Variants in TRMU observed in about 807,000 individuals in gnomAD.
TRMU encodes the protein tRNA mitochondrial 2-thiouridylase, also known as mitochondrial tRNA-specific 2-thiouridylase 1.
Under a neutral mutation model 46.9 loss-of-function variants are expected in TRMU, and 49 were observed. The observed-to-expected ratio is 1.05, with a 90% CI of 0.83 to 1.33. The LOEUF (loss-of-function observed/expected upper bound fraction) is 1.33, where lower values mean the gene tolerates loss of function less well. Ranked by LOEUF, TRMU falls within the 40% of genes most tolerant of loss-of-function variation. The probability of loss-of-function intolerance (pLI) is 0.00; values close to 1 mark genes in which losing one functional copy is unlikely to be tolerated. For synonymous variants in TRMU, 241 were observed against 200.9 expected, an observed-to-expected ratio of 1.20 and a Z score of -1.69; for missense variants, 572 against 532.4, an observed-to-expected ratio of 1.07 and a Z score of -0.73.
rs981329445 is a variant in TRMU at position 46,351,007 on chromosome 22, C to T, written c.651+544C>T. 1.4e-4 allele frequency among the ~76,000 whole-genome samples: 21 copies of T among 152,198 alleles called. No individual in the cohort carries two copies. Among genetic ancestry groups the T allele is most frequent in the African/African-American group, 4.3e-4 (18 of 41,446 alleles). ...AGGCAGGAGGCCAATCAGTGTAAAC[C>T]TAGAAAATGTCTACGGAGGGAGGTG... On this transcript the variant is annotated intron_variant, in intron 5 of 10. Coordinates refer to ENST00000645190, the MANE Select transcript of TRMU (RefSeq NM_018006.5). The surrounding 1 kb of genome is among the most constrained non-coding windows in gnomAD (Gnocchi z 6.4).
At position 46,338,907 on chromosome 22, in the gene TRMU, G is replaced by GA. The variant is rs1174519874; in HGVS notation, c.248+964dup. 6.6e-6 allele frequency among the ~76,000 whole-genome samples: 1 copy of GA among 152,170 alleles called. No individual in the cohort carries two copies. The highest frequency in any genetic ancestry group is 2.4e-5 in the African/African-American group (1 of 41,422). ...GCAGAAGAGCCTTGGGTTGAGTCCT[G>GA]ACTGTAGCTTATTATATGACCTTGG... On this transcript the variant is annotated intron_variant, in intron 2 of 10. Transcript: ENST00000645190. This position sits in a 1 kb window ranked among gnomAD's most constrained non-coding sequence, Gnocchi z 4.5.
rs114303139 is a variant in TRMU, at chr22:46,351,031, T to G, written c.651+568T>G. ...CCTAGAAAATGTCTACGGAGGGAGG[T>G]GTAGGACCCTGGGTGGGAAGCACCA... On this transcript the variant is annotated intron_variant, in intron 5 of 10. Transcript: ENST00000645190. The surrounding 1 kb of genome is among the most constrained non-coding windows in gnomAD (Gnocchi z 6.4). 6.6e-6 allele frequency among the ~76,000 whole-genome samples: 1 copy of G among 150,838 alleles called. No individual in the cohort carries two copies. The highest frequency in any genetic ancestry group is 2.4e-5 in the African/African-American group (1 of 40,914).
At chr22:46,340,430 G>A (rs114486778) in intron 2 of TRMU, among the ~76,000 whole-genome samples, 3,482 of 152,334 alleles carry the variant, frequency 0.023, 52 homozygotes, top group Non-Finnish European at 0.029. Context: ...TTTTCAGAAC[G>A]TACGAGTGGA....
Position 46,338,074 on chromosome 22 carries a change from A to T in TRMU, c.248+130A>T. 1 of 1,347,338 alleles carries T rather than the reference A, an allele frequency of 7.4e-7. No homozygotes were observed. The highest frequency in any genetic ancestry group is 1.1e-6 in the Non-Finnish European group (1 of 949,068). The allele number at this position is 1,347,338 out of a possible 1,614,324, so 83.5% of individuals were successfully genotyped here. ...CTCTCCCTCCACGGTGGTGCTGAAG[A>T]CTGCAAGAGGCCTCAGCCACCCTCG... On this transcript the variant is annotated intron_variant, in intron 2 of 10. Transcript: ENST00000645190. This position sits in a 1 kb window ranked among gnomAD's most constrained non-coding sequence, Gnocchi z 4.5.
At position 46,343,277 on chromosome 22, in the gene TRMU, G is replaced by A. The variant is rs200574410; in HGVS notation, c.264G>A (p.Glu88=). Residue 88 remains glutamate (E), a synonymous_variant, in exon 3 of 11, where the codon GAG becomes GAA. Coordinates refer to ENST00000645190, the MANE Select transcript of TRMU (RefSeq NM_018006.5). ...TTTATTCTAGTGACTTTTTGAATGA[G>A]TATGAAAAAGGAAGGACTCCCAATC... The part of the protein sequence containing the change: ...WNDVFSDFLN[E]YEKGRTPNPD... The A allele has an allele frequency of 2.3e-5, 37 of 1,612,514 alleles. No homozygotes were observed. Among genetic ancestry groups the A allele is most frequent in the South Asian group, 4.4e-5 (4 of 91,046 alleles).
At chr22:46,341,808 T>C (rs897963513) in intron 2 of TRMU, among the ~76,000 whole-genome samples, 4 of 152,228 alleles carry the variant, frequency 2.6e-5, no homozygotes, top group Non-Finnish European at 5.9e-5. Flanking sequence ...CCTGATCCAC[T>C]TTAAGCACCC....
chr22:46,351,946 C>A lies in TRMU; in HGVS notation c.652-175C>A. ...GAGGCGTTCTCTAAGGCTCTGGCAT[C>A]GTGTGCGCCGGCTGTGACTGGCGGC... On this transcript the variant is annotated intron_variant, in intron 5 of 10. Transcript: ENST00000645190. The surrounding 1 kb of genome is among the most constrained non-coding windows in gnomAD (Gnocchi z 6.4). 1 of 766,608 alleles carries A rather than the reference C, an allele frequency of 1.3e-6. No individual in the cohort carries two copies. The highest frequency in any genetic ancestry group is 2.3e-6 in the Non-Finnish European group (1 of 426,524). 47.5% of individuals were successfully genotyped at this position (766,608 alleles called of 1,614,324 possible). A position where few individuals can be genotyped will look rare whatever the true frequency, so the allele number is the denominator to read the frequency against.
At chr22:46,341,647 C>G (rs1311910514) in intron 2 of TRMU, among the ~76,000 whole-genome samples, 1 of 152,000 alleles carries the variant, frequency 6.6e-6, no homozygotes, top group Admixed American at 6.5e-5. Flanking sequence ...AAAAATACAC[C>G]CATTTTTAAA....
chr22:46,353,567 C>T (rs1036964671), intron 7 of TRMU, 200 bp from the exon 8 acceptor site: 28 of 533,738 alleles, frequency 5.2e-5, no homozygotes, highest in African/African-American at 5.7e-5. Flanking sequence ...ATGTCCAGCC[C>T]AGGCCTGGAC....
Position 46,351,912 on chromosome 22 carries a change from C to G in TRMU, c.652-209C>G. 1 of 700,472 alleles carries G rather than the reference C, an allele frequency of 1.4e-6. No homozygotes were observed. Among genetic ancestry groups the G allele is most frequent in the Non-Finnish European group, 2.6e-6 (1 of 387,892 alleles). 43.4% of individuals were successfully genotyped at this position (700,472 alleles called of 1,614,324 possible). A position where few individuals can be genotyped will look rare whatever the true frequency, so the allele number is the denominator to read the frequency against. On this transcript the variant is annotated intron_variant, in intron 5 of 10. Coordinates refer to ENST00000645190, the MANE Select transcript of TRMU (RefSeq NM_018006.5). This position sits in a 1 kb window ranked among gnomAD's most constrained non-coding sequence, Gnocchi z 6.4. ...CCGCGCAGGGTCAGACCCCGCGGGC[C>G]GAGACAATGAGGCGTTCTCTAAGGC...
chr22:46,346,462 C>T lies in TRMU; in HGVS notation c.396C>T (p.Ser132=), dbSNP rs2147054275. ...AIATGHYART[S]LEDEEVFEQK... is the part of the protein sequence containing the mutation. ...CCACAGGTCACTATGCAAGAACTTC[C>T]CTGGAAGATGAAGAAGTCTTTGAGC... is the stretch of plus-strand genomic sequence containing the variant. Residue 132 remains serine, a synonymous_variant, in exon 4 of 11, where the codon TCC becomes TCT. Coordinates refer to ENST00000645190, the MANE Select transcript of TRMU (RefSeq NM_018006.5). 6 of 1,613,656 alleles carry T rather than the reference C, an allele frequency of 3.7e-6. No homozygotes were observed. The highest frequency in any genetic ancestry group is 5.1e-6 in the Non-Finnish European group (6 of 1,179,678).
In TRMU at chr22:46,336,033, G is replaced by A. The variant is rs1190458989; in HGVS notation, c.82+187G>A. On this transcript the variant is annotated intron_variant, in intron 1 of 10. Coordinates refer to ENST00000645190, the MANE Select transcript of TRMU (RefSeq NM_018006.5). This position sits in a 1 kb window ranked among gnomAD's most constrained non-coding sequence, Gnocchi z 4.1. Reference sequence around the variant, plus strand: ...CTCGCCCTCCACCTGTGTAGTCGGAGGTGTGCGCGACTGCAGCTCCGACTA... The same window carrying A: ...CTCGCCCTCCACCTGTGTAGTCGGAAGTGTGCGCGACTGCAGCTCCGACTA... 12 of 1,418,354 alleles carry A rather than the reference G, an allele frequency of 8.5e-6. No individual in the cohort carries two copies. Among genetic ancestry groups the A allele is most frequent in the Non-Finnish European group, 9.2e-7 (1 of 1,089,452 alleles). The allele number at this position is 1,418,354 out of a possible 1,614,324, so 87.9% of individuals were successfully genotyped here. A position where few individuals can be genotyped will look rare whatever the true frequency, so the allele number is the denominator to read the frequency against.
chr22:46,353,983 T>A (rs1382621436), intron 8 of TRMU, 116 bp downstream of exon 8: 3 of 914,518 alleles, frequency 3.3e-6, no homozygotes, highest in African/African-American at 3.3e-5. Flanking sequence ...AGGCTGTGAC[T>A]AACTCTGTTC....
In TRMU at chr22:46,351,932, T is replaced by C; in HGVS notation, c.652-189T>C. ...CGGGCCGAGACAATGAGGCGTTCTC[T>C]AAGGCTCTGGCATCGTGTGCGCCGG... is the stretch of plus-strand genomic sequence containing the variant. On this transcript the variant is annotated intron_variant, in intron 5 of 10. Coordinates refer to ENST00000645190, the MANE Select transcript of TRMU (RefSeq NM_018006.5). The surrounding 1 kb of genome is among the most constrained non-coding windows in gnomAD (Gnocchi z 6.4). 1.3e-6 allele frequency: 1 copy of C among 743,814 alleles called. No individual in the cohort carries two copies. The highest frequency in any genetic ancestry group is 2.4e-6 in the Non-Finnish European group (1 of 411,698). The allele number at this position is 743,814 out of a possible 1,614,324, so 46.1% of individuals were successfully genotyped here.
rs1398298470 is a variant in TRMU at position 46,357,182 on chromosome 22, CAGGCTG to C, written c.*177_*182del. On this transcript the variant is annotated 3_prime_UTR_variant, in exon 11 of 11. Coordinates refer to ENST00000645190, the MANE Select transcript of TRMU (RefSeq NM_018006.5). ...CGAGCCCCAGGAAGAGCCTCAGCTC[CAGGCTG>C]GGGCTCTGGCTGCTGGAGCATCTGC... is the stretch of plus-strand genomic sequence containing the variant. 2.9e-5 allele frequency: 23 copies of C among 806,184 alleles called. No homozygotes were observed. The highest frequency in any genetic ancestry group is 4.5e-5 in the Non-Finnish European group (23 of 506,416). The allele number at this position is 806,184 out of a possible 1,614,324, so 49.9% of individuals were successfully genotyped here.
chr22:46,346,169 A>G (rs2078251199), intron 3 of TRMU, among the ~76,000 whole-genome samples: 1 of 152,052 alleles, frequency 6.6e-6, no homozygotes. Flanking sequence ...AACTTTGGAA[A>G]GGCTCTTAAA....
In TRMU at chr22:46,353,011, G is replaced by A. The variant is rs921937045; in HGVS notation, c.772+681G>A. 1.8e-5 allele frequency: 3 copies of A among 166,488 alleles called. No individual in the cohort carries two copies. In the South Asian group the frequency reaches 4.5e-4, roughly 25 times the overall value. 10.3% of individuals were successfully genotyped at this position (166,488 alleles called of 1,614,324 possible). A position where few individuals can be genotyped will look rare whatever the true frequency, so the allele number is the denominator to read the frequency against. On this transcript the variant is annotated intron_variant, in intron 7 of 10. Coordinates refer to ENST00000645190, the MANE Select transcript of TRMU (RefSeq NM_018006.5). ...AGGAGAGCCAGGCTGCAGCTCAGGT[G>A]TAGGGCGTCTTGCAGTGAATTGCAC...
chr22:46,355,604 G>T lies in TRMU; in HGVS notation c.1018+16G>T, dbSNP rs770660941. 2 of 1,613,260 alleles carry T rather than the reference G, an allele frequency of 1.2e-6. No homozygotes were observed. The highest frequency in any genetic ancestry group is 1.7e-6 in the Non-Finnish European group (2 of 1,180,024). ...ATGGCACTAGGTGACTGACGGGAGG[G>T]CTCCTGAGGACGGGCCCCTTGAAGC... is the stretch of plus-strand genomic sequence containing the variant. On this transcript the variant is annotated intron_variant, in intron 9 of 10. Transcript: ENST00000645190.
Position 46,336,099 on chromosome 22 carries a change from C to T in TRMU, c.82+253C>T, listed in dbSNP as rs2077968697. ...GCGCCCCTCTCCACCCACGCGCGCC[C>T]ACCCACAGTGAGAAGCCGGCGGGCC... On this transcript the variant is annotated intron_variant, in intron 1 of 10. Coordinates refer to ENST00000645190, the MANE Select transcript of TRMU (RefSeq NM_018006.5). This position sits in a 1 kb window ranked among gnomAD's most constrained non-coding sequence, Gnocchi z 4.1. 11 of 1,364,126 alleles carry T rather than the reference C, an allele frequency of 8.1e-6. No homozygotes were observed. Among genetic ancestry groups the T allele is most frequent in the South Asian group, 1.6e-5 (1 of 61,616 alleles). 84.5% of individuals were successfully genotyped at this position (1,364,126 alleles called of 1,614,324 possible). A position where few individuals can be genotyped will look rare whatever the true frequency, so the allele number is the denominator to read the frequency against.
Sources: allele counts gnomAD v4.1 joint callset (sites outside exome capture counted in the v4.1 genomes callset), GRCh38; gene constraint gnomAD v4.1.1; non-coding constraint Gnocchi (gnomAD v3.1); transcripts MANE v1.5; gene names NCBI Gene and HGNC (gene_info 2026-07-23, HGNC 2026-07-21).